AOPEP: variants seen among roughly 807,000 people sequenced by gnomAD.
AOPEP encodes the protein aminopeptidase O (putative), also known as aminopeptidase O.
In AOPEP, 77 loss-of-function variants were observed where a neutral mutation model predicts 98.1. That is an observed-to-expected ratio of 0.78 (90% CI 0.65 to 0.95). The LOEUF is 0.95. Ranked by LOEUF, AOPEP falls within the 40% of genes least tolerant of loss-of-function variation. The pLI is 0.00. For synonymous variants in AOPEP, 346 were observed against 365.3 expected, an observed-to-expected ratio of 0.95 and a Z score of 0.60; for missense variants, 1,024 against 1,024.7, an observed-to-expected ratio of 1.00 and a Z score of 0.01.
At chr9:94,893,262 T>C (rs941249535) in intron 5 of AOPEP, among the ~76,000 whole-genome samples, 25 of 152,140 alleles carry the variant, frequency 1.6e-4, no homozygotes, top group African/African-American at 4.3e-4. Context: ...GAAGGGAACA[T>C]AAGACACTCA....
chr9:94,759,742 C>T lies in AOPEP; in HGVS notation c.-42C>T, dbSNP rs1837842955. On this transcript the variant is annotated 5_prime_UTR_variant, in exon 2 of 17. Coordinates refer to ENST00000375315, the MANE Select transcript of AOPEP (RefSeq NM_001193329.3). ...GAAGATTAAGGCAGATAGGAAACCC[C>T]ATCTGAGATTTTAATAAATCCCTCA... 2.0e-6 allele frequency: 3 copies of T among 1,466,016 alleles called. No individual in the cohort carries two copies. The highest frequency in any genetic ancestry group is 2.8e-6 in the Non-Finnish European group (3 of 1,068,200). The allele number at this position is 1,466,016 out of a possible 1,614,324, so 90.8% of individuals were successfully genotyped here.
chr9:94,835,621 C>T (rs1021749311), intron 5 of AOPEP, among the ~76,000 whole-genome samples: 2 of 152,168 alleles, frequency 1.3e-5, no homozygotes, highest in African/African-American at 2.4e-5. Flanking sequence ...ATTGAGACTC[C>T]TGTTTATGTT....
At chr9:95,054,692 G>C (rs1164597885) in intron 13 of AOPEP, among the ~76,000 whole-genome samples, 1 of 152,162 alleles carries the variant, frequency 6.6e-6, no homozygotes, top group Non-Finnish European at 1.5e-5. Flanking sequence ...TTTTTGAACT[G>C]TAACTATTAG....
chr9:94,797,380 G>A (rs1325180913), intron 4 of AOPEP, among the ~76,000 whole-genome samples: 4 of 150,488 alleles, frequency 2.7e-5, no homozygotes, highest in Non-Finnish European at 4.4e-5. Flanking sequence ...GCAGTGAGCC[G>A]AGATTGCACC....
Position 94,980,138 on chromosome 9 carries a change from C to G in AOPEP, c.1977+711C>G, listed in dbSNP as rs889430597. On this transcript the variant is annotated intron_variant, in intron 11 of 16. Transcript: ENST00000375315. This position sits in a 1 kb window ranked among gnomAD's most constrained non-coding sequence, Gnocchi z 4.3. ...GGCCTGGAGCTCCTCTCCCCGTCCA[C>G]TCTCCTCTGGCCCTGTGCCTCCCAG... 6.6e-6 allele frequency among the ~76,000 whole-genome samples: 1 copy of G among 152,234 alleles called. No homozygotes were observed. Among genetic ancestry groups the G allele is most frequent in the African/African-American group, 2.4e-5 (1 of 41,464 alleles).
At chr9:94,825,510 T>G (rs1854311282) in intron 5 of AOPEP, among the ~76,000 whole-genome samples, 1 of 152,246 alleles carries the variant, frequency 6.6e-6, no homozygotes, top group African/African-American at 2.4e-5. Context: ...GTGAAGACGC[T>G]CAGTCGTTTT....
chr9:94,867,983 C>T (rs1329522826), intron 5 of AOPEP, among the ~76,000 whole-genome samples: 1 of 152,198 alleles, frequency 6.6e-6, no homozygotes, highest in Non-Finnish European at 1.5e-5. Context: ...TTCCTGTTTT[C>T]TCAACCCATG....
At chr9:94,839,169 C>G (rs1406967965) in intron 5 of AOPEP, among the ~76,000 whole-genome samples, 1 of 145,308 alleles carries the variant, frequency 6.9e-6, no homozygotes, top group Non-Finnish European at 1.5e-5. Context: ...CACTGAAAGC[C>G]CTGCCTCCCG....
chr9:94,910,045 C>T (rs772838873), intron 5 of AOPEP, among the ~76,000 whole-genome samples: 12 of 152,180 alleles, frequency 7.9e-5, no homozygotes, highest in African/African-American at 2.2e-4. Flanking sequence ...ATTTCGGTTG[C>T]GGCAAGACTG....
chr9:94,863,415 G>A (rs1486845899), intron 5 of AOPEP, among the ~76,000 whole-genome samples: 7 of 151,994 alleles, frequency 4.6e-5, no homozygotes, highest in African/African-American at 1.7e-4. Context: ...CGAATAGCTG[G>A]GACTACAGGC....
intron 13 of AOPEP, among the ~76,000 whole-genome samples, chr9:95,042,693 T>C (rs2065441452): frequency 6.6e-6 from 1 of 152,196 alleles, no homozygotes; most frequent in African/African-American, 2.4e-5. Context: ...AAAGCTAGCA[T>C]GGTTTGGCCA....
At chr9:94,877,412 AT>A (rs201267229) in intron 5 of AOPEP, among the ~76,000 whole-genome samples, 3,155 of 134,472 alleles carry the variant, frequency 0.023, 86 homozygotes, top group African/African-American at 0.062. Flanking sequence ...ACCCTACTGG[AT>A]TTTTTTTTCT....
intron 3 of AOPEP, among the ~76,000 whole-genome samples, chr9:94,789,652 A>C (rs976144762): frequency 6.6e-6 from 1 of 152,206 alleles, no homozygotes; most frequent in South Asian, 2.1e-4. Context: ...GAAAGACAGA[A>C]AAATGGGAGA....
intron 5 of AOPEP, among the ~76,000 whole-genome samples, chr9:94,834,558 T>C (rs921211211): frequency 3.9e-5 from 6 of 152,210 alleles, no homozygotes; most frequent in African/African-American, 1.4e-4. Flanking sequence ...TTTGGGAGTC[T>C]GAGGCAGGTG....
rs772126375 is a variant in AOPEP, at chr9:95,085,971, G to A, written c.*5-711G>A. The A allele has an allele frequency of 1.3e-5, 17 of 1,354,884 alleles. 1 individual carries two copies. The highest frequency in any genetic ancestry group is 2.6e-4 in the Middle Eastern group (1 of 3,898). 83.9% of individuals were successfully genotyped at this position (1,354,884 alleles called of 1,614,324 possible). ...TCCTGCGCCAGCAGACGGTGCCCACGGAGCTCCCAGCTGAGGCGCTGCTTC... is the reference window on the plus strand; with the variant it reads ...TCCTGCGCCAGCAGACGGTGCCCACAGAGCTCCCAGCTGAGGCGCTGCTTC... On this transcript the variant is annotated intron_variant, in intron 16 of 16. Coordinates refer to ENST00000375315, the MANE Select transcript of AOPEP (RefSeq NM_001193329.3).
At chr9:95,106,912 G>A in the AOPEP span, among the ~76,000 whole-genome samples, 1 of 152,162 alleles carries the variant, frequency 6.6e-6, no homozygotes, top group Non-Finnish European at 1.5e-5. Context: ...AGGCTCTGGG[G>A]TCCATCCCAG....
chr9:94,960,535 A>G (rs2058749299), intron 9 of AOPEP, among the ~76,000 whole-genome samples: 1 of 152,172 alleles, frequency 6.6e-6, no homozygotes, highest in Non-Finnish European at 1.5e-5. Flanking sequence ...AAAATTGACT[A>G]TAACCATAAT....
chr9:94,739,385 C>T (rs1832544970), intron 1 of AOPEP, among the ~76,000 whole-genome samples: 1 of 152,224 alleles, frequency 6.6e-6, no homozygotes, highest in Admixed American at 6.5e-5. Context: ...TGGCTCACGC[C>T]TGTAATCCCA....
chr9:95,013,490 C>T (rs960319001), intron 13 of AOPEP, among the ~76,000 whole-genome samples: 1 of 151,516 alleles, frequency 6.6e-6, no homozygotes, highest in Admixed American at 6.6e-5. Context: ...CTCATTATTC[C>T]CTTCTTGATG....
Sources: gnomAD v4.1 joint callset for allele counts (sites outside exome capture counted in the v4.1 genomes callset) on GRCh38, gnomAD v4.1.1 for gene constraint, Gnocchi (gnomAD v3.1) non-coding constraint, MANE v1.5 for transcripts, NCBI Gene and HGNC (gene_info 2026-07-23, HGNC 2026-07-21) for gene names.